PIR: variants seen among roughly 807,000 people sequenced by gnomAD.
PIR encodes pirin (iron-binding nuclear protein).
PIR carries 22 observed loss-of-function variants against 24.2 expected under a neutral mutation model. That is an observed-to-expected ratio of 0.91 (90% CI 0.65 to 1.30). The LOEUF is 1.30. Ranked by LOEUF, PIR falls within the 50% of genes most tolerant of loss-of-function variation. The pLI is 0.00. For missense variants in PIR, 220 were observed against 220.3 expected (o/e 1.00, Z 0.01); for synonymous variants, 80 against 79.6 (o/e 1.00, Z -0.03).
chrX:15,401,705 T>C (rs1602246482), intron 7 of PIR, among the ~76,000 whole-genome samples: 1 of 112,462 alleles, frequency 8.9e-6, no homozygotes, highest in Non-Finnish European at 1.9e-5. Flanking sequence ...AACAATTTAA[T>C]TGCAATTTTT....
At chrX:15,396,967 C>A (rs914567622) in intron 8 of PIR, among the ~76,000 whole-genome samples, 3 of 111,856 alleles carry the variant, frequency 2.7e-5, no homozygotes, top group East Asian at 5.6e-4. Flanking sequence ...GTCTCGATTT[C>A]CTGACATCGT....
intron 7 of PIR, among the ~76,000 whole-genome samples, chrX:15,405,560 T>C (rs556121779): frequency 8.9e-6 from 1 of 112,924 alleles, no homozygotes; most frequent in Admixed American, 9.3e-5. Context: ...AAAATTCATG[T>C]GCTTTCTTCA....
At chrX:15,416,816 A>G (rs1602255514) in intron 6 of PIR, among the ~76,000 whole-genome samples, 1 of 110,890 alleles carries the variant, frequency 9.0e-6, no homozygotes, top group Non-Finnish European at 1.9e-5. Flanking sequence ...AAGAGAGCAG[A>G]CTCTAGCCAG....
intron 2 of PIR, among the ~76,000 whole-genome samples, chrX:15,487,158 C>G (rs970260262): frequency 2.7e-5 from 3 of 111,864 alleles, no homozygotes; most frequent in Non-Finnish European, 5.6e-5. Flanking sequence ...TAGATACAGC[C>G]TTGAATGGAC....
rs1166107378 is a variant in PIR, at chrX:15,398,172, A to T, written c.611-641T>A. Among the ~76,000 whole-genome samples, 3 of 111,233 alleles carry T rather than the reference A, an allele frequency of 2.7e-5. No individual in the cohort carries two copies. The East Asian group carries it at 8.4e-4, about 31-fold the overall frequency. On this transcript the variant is annotated intron_variant, in intron 7 of 9. Coordinates refer to ENST00000380420, the MANE Select transcript of PIR (RefSeq NM_001018109.3). ...AATGATGAGTTAATCGGTGCAGCAC[A>T]CCAACATGGCACGTGTATACCTATG...
At chrX:15,431,284 A>C (rs2147036511) in intron 5 of PIR, among the ~76,000 whole-genome samples, 1 of 112,033 alleles carries the variant, frequency 8.9e-6, no homozygotes. Context: ...TTTGTGTGTC[A>C]TTGTTAACTT....
At chrX:15,460,564 T>C (rs1602282834) in intron 3 of PIR, among the ~76,000 whole-genome samples, 2 of 111,227 alleles carry the variant, frequency 1.8e-5, no homozygotes, top group South Asian at 7.7e-4. Flanking sequence ...GTAGGGAACA[T>C]GGGAAGATGT....
chrX:15,416,959 G>GTCTA, intron 6 of PIR, among the ~76,000 whole-genome samples: 1 of 111,822 alleles, frequency 8.9e-6, no homozygotes, highest in Middle Eastern at 4.7e-3. Flanking sequence ...CTGAGACAGA[G>GTCTA]TCTAGCTCTG....
rs183953239 is a variant in PIR at position 15,433,190 on chromosome X, C to T, written c.481-7200G>A. 9.0e-5 allele frequency among the ~76,000 whole-genome samples: 10 copies of T among 111,518 alleles called. No individual in the cohort carries two copies. In the East Asian group the frequency reaches 2.8e-3, roughly 31 times the overall value. On this transcript the variant is annotated intron_variant, in intron 5 of 9. Coordinates refer to ENST00000380420, the MANE Select transcript of PIR (RefSeq NM_001018109.3). ...TCAGACTATACATGGTATCTAAATC[C>T]ATGAAATAAATAAGCTCACTTAGGC...
At chrX:15,449,454 C>G (rs1926214391) in intron 5 of PIR, among the ~76,000 whole-genome samples, 1 of 111,769 alleles carries the variant, frequency 8.9e-6, no homozygotes, top group Non-Finnish European at 1.9e-5. Context: ...TAAAGCACTT[C>G]TCATAGCATT....
chrX:15,396,615 C>T (rs3829996), intron 8 of PIR, among the ~76,000 whole-genome samples: 54,676 of 110,158 alleles, frequency 0.5, 10,104 homozygotes, highest in Non-Finnish European at 0.58. Flanking sequence ...AGAAAGAAAC[C>T]TGGAAATTTG....
chrX:15,450,565 C>T (rs760924503), intron 5 of PIR, among the ~76,000 whole-genome samples: 12 of 111,237 alleles, frequency 1.1e-4, no homozygotes, highest in Admixed American at 2.9e-4. Flanking sequence ...GCTCTCTCCA[C>T]ATCACACAGT....
At chrX:15,478,599 G>A (rs1373276271) in intron 3 of PIR, 1 of 112,081 alleles carries the variant, frequency 8.9e-6, no homozygotes, top group Non-Finnish European at 1.9e-5. Flanking sequence ...ACTGGAAGGC[G>A]AATGGCTAAA....
intron 5 of PIR, among the ~76,000 whole-genome samples, chrX:15,448,895 C>T (rs773437627): frequency 7.1e-5 from 8 of 112,277 alleles, no homozygotes; most frequent in Non-Finnish European, 1.3e-4. Flanking sequence ...TATACTTCTG[C>T]TGTTTGCCGG....
intron 5 of PIR, among the ~76,000 whole-genome samples, chrX:15,433,538 AAGAAAGAGAGAGAAAGAAAGAAAG>A: frequency 1.6e-5 from 1 of 63,401 alleles, no homozygotes; most frequent in African/African-American, 7.1e-5. Context: ...GAAAGAAAGA[AAGAAAGAGAGAGAAAGAAAGAAAG>A]AGAGAGAAAG....
At chrX:15,423,270 G>GTT (rs1199046026) in intron 6 of PIR, among the ~76,000 whole-genome samples, 3 of 112,014 alleles carry the variant, frequency 2.7e-5, no homozygotes, top group African/African-American at 9.7e-5. Context: ...AGCAAAAATA[G>GTT]ACAAATGATA....
chrX:15,484,898 G>C (rs749102321), intron 2 of PIR, among the ~76,000 whole-genome samples: 3 of 112,049 alleles, frequency 2.7e-5, no homozygotes, highest in South Asian at 7.4e-4. Flanking sequence ...ATAGTAAAAT[G>C]CAAGAAGAGA....
Position 15,397,457 on chromosome X carries a change from CCACCTGGACACTGTCACCTTCTCCAAG to C in PIR, c.658_684del (p.Leu220_Val228del), listed in dbSNP as rs1266178035. On this transcript the variant is annotated inframe_deletion, in exon 8 of 10. Transcript: ENST00000380420. ...GAAAATAACATACTTACCTTGTTCT[CCACCTGGACACTGTCACCTTCTCCAAG>C]CACTGCTGTGTGATGAGGTTCTATT... is the stretch of plus-strand genomic sequence containing the variant. 8.5e-7 allele frequency: 1 copy of C among 1,179,769 alleles called. No individual in the cohort carries two copies. Among genetic ancestry groups the C allele is most frequent in the Non-Finnish European group, 1.2e-6 (1 of 867,507 alleles).
In PIR at chrX:15,395,845, A is replaced by T. The variant is rs866774530; in HGVS notation, c.693+1604T>A. Among the ~76,000 whole-genome samples, 3 of 112,306 alleles carry T rather than the reference A, an allele frequency of 2.7e-5. No homozygotes were observed. The South Asian group carries it at 1.1e-3, about 42-fold the overall frequency. On this transcript the variant is annotated intron_variant, in intron 8 of 9. Coordinates refer to ENST00000380420, the MANE Select transcript of PIR (RefSeq NM_001018109.3). ...TTCTAAGGTTTTGATGGCTCAGGCT[A>T]TGCTTATACACAGCAACAATTACAG...
Sources: allele counts gnomAD v4.1 joint callset (sites outside exome capture counted in the v4.1 genomes callset), GRCh38; gene constraint gnomAD v4.1.1; transcripts MANE v1.5; gene names NCBI Gene and HGNC (gene_info 2026-07-23, HGNC 2026-07-21).